The following CAMK2D variants were observed in gnomAD, a reference collection of about 807,000 sequenced individuals.
CAMK2D encodes calcium/calmodulin-dependent protein kinase type II subunit delta.
A neutral mutation model predicts 84.0 loss-of-function variants in CAMK2D; 37 were observed. The observed-to-expected ratio is 0.44, with a 90% CI of 0.34 to 0.58. The LOEUF (loss-of-function observed/expected upper bound fraction) is 0.58. CAMK2D is among the 20% of genes least tolerant of loss of function. The pLI, the probability that CAMK2D is intolerant of heterozygous loss-of-function variation, is 0.02. For synonymous variants in CAMK2D, 202 were observed against 212.5 expected, an observed-to-expected ratio of 0.95 and a Z score of 0.43; for missense variants, 448 against 652.5, an observed-to-expected ratio of 0.69 and a Z score of 3.41.
At chr4:113,716,272 CCAAGTAT>C (rs1267657894) in intron 2 of CAMK2D, among the ~76,000 whole-genome samples, 1 of 152,100 alleles carries the variant, frequency 6.6e-6, no homozygotes, top group Non-Finnish European at 1.5e-5. Context: ...ATGTCAAGAG[CCAAGTAT>C]CATTCTATTA....
intron 2 of CAMK2D, among the ~76,000 whole-genome samples, chr4:113,689,891 T>C (rs2099380479): frequency 1.3e-5 from 2 of 152,204 alleles, no homozygotes; most frequent in Non-Finnish European, 2.9e-5. Context: ...AGGGAACACG[T>C]TGTCTTGTTT....
chr4:113,757,600 G>C (rs906552123), intron 2 of CAMK2D, among the ~76,000 whole-genome samples: 3 of 152,132 alleles, frequency 2.0e-5, no homozygotes, highest in Admixed American at 2.0e-4. Context: ...CAAGAAGAAT[G>C]TCTCCTAACT....
At chr4:113,557,510 G>A (rs763931763) in intron 4 of CAMK2D, among the ~76,000 whole-genome samples, 1 of 152,200 alleles carries the variant, frequency 6.6e-6, no homozygotes, top group Non-Finnish European at 1.5e-5. Context: ...CATGGAGAAG[G>A]AGAATGTCAA....
chr4:113,687,225 A>G (rs72895940), intron 2 of CAMK2D, among the ~76,000 whole-genome samples: 10,854 of 152,258 alleles, frequency 0.071, 487 homozygotes, highest in African/African-American at 0.13. Flanking sequence ...TGTTACTGAA[A>G]TGTAGGAAAA....
rs572417733 is a variant in CAMK2D at position 113,603,122 on chromosome 4, T to A, written c.275+6030A>T. 3.3e-5 allele frequency among the ~76,000 whole-genome samples: 5 copies of A among 152,234 alleles called. No homozygotes were observed. The East Asian group carries it at 9.7e-4, about 29-fold the overall frequency. ...GCCGCTGAGGTGTGCCTAGAAACCA[T>A]GCTAGGCACAAACCCTGGAAAGGAT... On this transcript the variant is annotated intron_variant, in intron 4 of 20. Coordinates refer to ENST00000511664, the MANE Select transcript of CAMK2D (RefSeq NM_001321571.2).
chr4:113,756,528 G>A (rs373209836), intron 2 of CAMK2D, among the ~76,000 whole-genome samples: 4 of 151,844 alleles, frequency 2.6e-5, no homozygotes, highest in Admixed American at 6.6e-5. Context: ...TTCTACATTT[G>A]CCTTTGAACG....
chr4:113,759,348 A>T lies in CAMK2D; in HGVS notation c.132T>A (p.Ile44=). 1 of 1,608,764 alleles carries T rather than the reference A, an allele frequency of 6.2e-7. No homozygotes were observed. The highest frequency in any genetic ancestry group is 1.1e-5 in the South Asian group (1 of 89,876). The change falls in exon 2 of 21, where the codon ATT becomes ATA. Residue 44 remains isoleucine (I), a synonymous_variant. Transcript: ENST00000511664. ...TAGCAGAAAGCTTTTTGGTGTTGAT[A>T]ATTTTGGCAGCATATTCTTGTCCAG... ...IPTGQEYAAK[I]INTKKLSARD... is the part of the protein sequence containing the mutation.
At chr4:113,612,363 T>A (rs1305264675) in intron 3 of CAMK2D, among the ~76,000 whole-genome samples, 1 of 152,226 alleles carries the variant, frequency 6.6e-6, no homozygotes, top group Non-Finnish European at 1.5e-5. Context: ...CATGTTTACT[T>A]TTACAAAATG....
At chr4:113,534,355 G>C (rs2098476439) in intron 7 of CAMK2D, among the ~76,000 whole-genome samples, 1 of 152,132 alleles carries the variant, frequency 6.6e-6, no homozygotes. Context: ...AGAGAAAAAA[G>C]AAGTATATTC....
intron 3 of CAMK2D, among the ~76,000 whole-genome samples, chr4:113,616,808 G>T (rs2099023095): frequency 6.6e-6 from 1 of 151,886 alleles, no homozygotes; most frequent in African/African-American, 2.4e-5. Flanking sequence ...TAAATTTAAG[G>T]GTAAAGTAAA....
chr4:113,466,601 T>C (rs1564434045), intron 16 of CAMK2D, among the ~76,000 whole-genome samples: 1 of 152,320 alleles, frequency 6.6e-6, no homozygotes, highest in East Asian at 1.9e-4. Flanking sequence ...GAATCAATAC[T>C]GTAGATGTAG....
intron 3 of CAMK2D, 49 bp from the exon 4 acceptor site, chr4:113,609,255 TCAA>T (rs1199577504): frequency 3.1e-6 from 3 of 966,240 alleles, no homozygotes; most frequent in Non-Finnish European, 5.1e-6. Context: ...ATTCCAACGA[TCAA>T]CGTTAAACCC....
chr4:113,747,088 T>G (rs968893800), intron 2 of CAMK2D, among the ~76,000 whole-genome samples: 2 of 132,094 alleles, frequency 1.5e-5, no homozygotes, highest in African/African-American at 5.0e-5. Flanking sequence ...TACATATTAA[T>G]TTTTTTTACT....
chr4:113,562,013 G>T (rs570152929), intron 4 of CAMK2D, among the ~76,000 whole-genome samples: 1 of 152,250 alleles, frequency 6.6e-6, no homozygotes, highest in East Asian at 1.9e-4. Flanking sequence ...CGCCCACTTA[G>T]TAAGCATTAA....
intron 2 of CAMK2D, among the ~76,000 whole-genome samples, chr4:113,750,663 T>C (rs1052988772): frequency 1.3e-5 from 2 of 152,040 alleles, no homozygotes; most frequent in African/African-American, 2.4e-5. Flanking sequence ...AATAAACGAA[T>C]AAAAAATGTG....
intron 4 of CAMK2D, among the ~76,000 whole-genome samples, chr4:113,564,315 C>G (rs575789490): frequency 6.6e-6 from 1 of 152,288 alleles, no homozygotes; most frequent in African/African-American, 2.4e-5. Context: ...TTACCTTGAA[C>G]TTTGGTTAGT....
intron 2 of CAMK2D, among the ~76,000 whole-genome samples, chr4:113,686,690 G>A (rs753989218): frequency 6.6e-6 from 1 of 152,088 alleles, no homozygotes; most frequent in Non-Finnish European, 1.5e-5. Flanking sequence ...GTCCTACAAT[G>A]CTCTCAATAT....
intron 4 of CAMK2D, among the ~76,000 whole-genome samples, chr4:113,579,630 A>G (rs1445451417): frequency 6.6e-6 from 1 of 152,112 alleles, no homozygotes; most frequent in Non-Finnish European, 1.5e-5. Flanking sequence ...ACCTTCCACT[A>G]TGATTGGAAG....
chr4:113,477,485 C>T (rs1354236716), intron 16 of CAMK2D, among the ~76,000 whole-genome samples: 5 of 150,722 alleles, frequency 3.3e-5, no homozygotes, highest in African/African-American at 9.8e-5. Context: ...GTGGCCCATG[C>T]CTGTAATCCC....
Sources: gnomAD v4.1 joint callset for allele counts (sites outside exome capture counted in the v4.1 genomes callset) on GRCh38, gnomAD v4.1.1 for gene constraint, MANE v1.5 for transcripts, NCBI Gene and HGNC (gene_info 2026-07-23, HGNC 2026-07-21) for gene names.